STS: variants seen among roughly 807,000 people sequenced by gnomAD.
STS encodes steroid sulfatase, also known as steryl-sulfatase.
STS carries 7 observed loss-of-function variants against 26.8 expected under a neutral mutation model. The observed-to-expected ratio is 0.26, with a 90% CI of 0.15 to 0.49. The LOEUF (loss-of-function observed/expected upper bound fraction) is 0.49, where lower values mean the gene tolerates loss of function less well. Ranked by LOEUF, STS falls within the 20% of genes least tolerant of loss-of-function variation. The pLI, the probability that STS is intolerant of heterozygous loss-of-function variation, is 0.98. For synonymous variants in STS, 199 were observed against 189.4 expected (o/e 1.05, Z -0.42); for missense variants, 434 against 465.6 (o/e 0.93, Z 0.63).
At chrX:7,324,061 T>C (rs112797417) in intron 8 of STS, among the ~76,000 whole-genome samples, 4,575 of 111,470 alleles carry the variant, frequency 0.041, 151 homozygotes, top group African/African-American at 0.11. Context: ...ACCTAAGTTG[T>C]TCTGGCTACA....
chrX:7,191,945 T>C (rs1158225254), intron 2 of STS, among the ~76,000 whole-genome samples: 1 of 112,046 alleles, frequency 8.9e-6, no homozygotes, highest in Non-Finnish European at 1.9e-5. Context: ...GAGGGAAACA[T>C]AGTTTTAAAA....
At chrX:7,336,777 A>G (rs1465257076) in intron 10 of STS, among the ~76,000 whole-genome samples, 1 of 112,438 alleles carries the variant, frequency 8.9e-6, no homozygotes, top group African/African-American at 3.2e-5. Flanking sequence ...ATAAGTCTGT[A>G]TCATGTCCTG....
chrX:7,204,033 C>A (rs1340869279), intron 2 of STS, among the ~76,000 whole-genome samples: 1 of 111,838 alleles, frequency 8.9e-6, no homozygotes, highest in Non-Finnish European at 1.9e-5. Context: ...GATCCTCCCA[C>A]ACTTGGCCTC....
chrX:7,150,594 G>A (rs889757811), intron 1 of STS, among the ~76,000 whole-genome samples: 2 of 112,253 alleles, frequency 1.8e-5, no homozygotes, highest in Non-Finnish European at 1.9e-5. Context: ...CACAGCGATT[G>A]TGGAAGAGAC....
intron 1 of STS, among the ~76,000 whole-genome samples, chrX:7,179,580 C>T (rs1228637367): frequency 8.9e-6 from 1 of 112,405 alleles, no homozygotes; most frequent in East Asian, 2.8e-4. Context: ...CAAAACCAAC[C>T]GGCAGTGAAC....
At chrX:7,203,346 C>T (rs952104872) in intron 2 of STS, among the ~76,000 whole-genome samples, 5 of 91,802 alleles carry the variant, frequency 5.4e-5, no homozygotes, top group Admixed American at 5.4e-4. Flanking sequence ...ACAAATTTCT[C>T]TAAAAAAAGG....
chrX:7,203,941 C>A (rs1334612152), intron 2 of STS, among the ~76,000 whole-genome samples: 2 of 110,873 alleles, frequency 1.8e-5, no homozygotes, highest in Non-Finnish European at 3.8e-5. Context: ...TGTTCTACCA[C>A]GCCCAGATAA....
At chrX:7,311,360 C>T (rs1463082237) in intron 8 of STS, among the ~76,000 whole-genome samples, 1 of 111,723 alleles carries the variant, frequency 9.0e-6, no homozygotes, top group Non-Finnish European at 1.9e-5. Context: ...TTAAAAACAG[C>T]AGAAAGTTGT....
chrX:7,261,154 A>T (rs1056956598), intron 6 of STS, among the ~76,000 whole-genome samples: 1 of 111,926 alleles, frequency 8.9e-6, no homozygotes, highest in Non-Finnish European at 1.9e-5. Context: ...GGAGAACAGG[A>T]CTCTAAAGAG....
intron 7 of STS, among the ~76,000 whole-genome samples, chrX:7,283,043 A>G (rs1283044576): frequency 1.8e-5 from 2 of 112,290 alleles, no homozygotes; most frequent in Non-Finnish European, 3.8e-5. Flanking sequence ...ACAAAAGCCC[A>G]TGTTCTATTT....
intron 2 of STS, among the ~76,000 whole-genome samples, chrX:7,208,265 T>G (rs1920964758): frequency 8.9e-6 from 1 of 112,322 alleles, no homozygotes; most frequent in African/African-American, 3.2e-5. Context: ...AAAAGAGATA[T>G]GCTTATTGTA....
At chrX:7,188,594 G>C (rs777321881) in intron 1 of STS, among the ~76,000 whole-genome samples, 1 of 111,584 alleles carries the variant, frequency 9.0e-6, no homozygotes, top group South Asian at 3.7e-4. Flanking sequence ...TAGGCTCTTC[G>C]TGGCAGTACC....
Position 7,350,315 on chromosome X carries a change from A to G in STS, c.*54A>G. 8.5e-7 allele frequency: 1 copy of G among 1,174,225 alleles called. No individual in the cohort carries two copies. Among genetic ancestry groups the G allele is most frequent in the Middle Eastern group, 3.0e-4 (1 of 3,370 alleles). On this transcript the variant is annotated 3_prime_UTR_variant, in exon 11 of 11. Coordinates refer to ENST00000674429, the MANE Select transcript of STS (RefSeq NM_001320752.2). ...TGGCAAAGCTCACCATCTTCACTAC[A>G]AACACGCCTGAGAGTGGCACTGGGG...
chrX:7,351,451 C>T lies in STS; in HGVS notation c.*1190C>T, dbSNP rs1036595410. 3.6e-5 allele frequency: 4 copies of T among 111,803 alleles called. No homozygotes were observed. Among genetic ancestry groups the T allele is most frequent in the Non-Finnish European group, 5.6e-5 (3 of 53,205 alleles). 9.2% of individuals were successfully genotyped at this position (111,803 alleles called of 1,213,427 possible). Reference sequence around the variant, plus strand: ...AAATCAGGGAAAATGCGCAACTGATCGCCTAGGAGAGGGCCTCGTAGTGGC... The same window carrying T: ...AAATCAGGGAAAATGCGCAACTGATTGCCTAGGAGAGGGCCTCGTAGTGGC... On this transcript the variant is annotated 3_prime_UTR_variant, in exon 11 of 11. Coordinates refer to ENST00000674429, the MANE Select transcript of STS (RefSeq NM_001320752.2).
chrX:7,187,058 C>T (rs1259226271), intron 1 of STS, among the ~76,000 whole-genome samples: 1 of 111,713 alleles, frequency 9.0e-6, no homozygotes, highest in African/African-American at 3.2e-5. Context: ...TTCTCTTTGA[C>T]CGAGGCCAGT....
intron 2 of STS, among the ~76,000 whole-genome samples, chrX:7,194,979 C>G (rs1933946612): frequency 9.0e-6 from 1 of 111,524 alleles, no homozygotes; most frequent in Non-Finnish European, 1.9e-5. Flanking sequence ...GGTTGTAACA[C>G]AATGGTAATT....
At chrX:7,329,652 C>T (rs983873916) in intron 9 of STS, among the ~76,000 whole-genome samples, 1 of 112,224 alleles carries the variant, frequency 8.9e-6, no homozygotes, top group African/African-American at 3.2e-5. Context: ...ACGGTTGGAC[C>T]CAAGCTGTTT....
At position 7,257,547 on chromosome X, in the gene STS, C is replaced by T. The variant is rs199771238; in HGVS notation, c.341C>T (p.Ala114Val). The change falls in exon 5 of 11, where the codon GCT becomes GTT. Residue 114 changes from alanine (A) to valine (V), a missense_variant. Coordinates refer to ENST00000674429, the MANE Select transcript of STS (RefSeq NM_001320752.2). The stretch of plus-strand genomic sequence containing the variant: ...CTTCCCACCGATGAGATTACCTTTG[C>T]TAAGCTTCTGAAGGATCAAGGTTAT... ...GGLPTDEITF[A>V]KLLKDQGYST... 82 of 1,210,648 alleles carry T rather than the reference C, an allele frequency of 6.8e-5. No homozygotes were observed. The Admixed American group carries it at 1.8e-3, about 26-fold the overall frequency.
intron 8 of STS, among the ~76,000 whole-genome samples, chrX:7,320,022 ATT>A (rs1295489079): frequency 1.8e-4 from 17 of 92,991 alleles, no homozygotes; most frequent in Admixed American, 2.7e-4. Context: ...ATTTATATAT[ATT>A]TATATATATA....
Sources: gnomAD v4.1 joint callset for allele counts (sites outside exome capture counted in the v4.1 genomes callset) on GRCh38, gnomAD v4.1.1 for gene constraint, MANE v1.5 for transcripts, NCBI Gene and HGNC (gene_info 2026-07-23, HGNC 2026-07-21) for gene names.